MYOF: variants seen among roughly 807,000 people sequenced by gnomAD.
MYOF encodes myoferlin, also known as fer-1-like 3, myoferlin.
In MYOF, 244 loss-of-function variants were observed where a neutral mutation model predicts 284.2. The ratio of observed to expected loss-of-function variants is 0.86; its 90% CI spans 0.77 to 0.95. The LOEUF is 0.95. Among genes scored for constraint, MYOF ranks in the 40% least tolerant of loss-of-function variants. The pLI is 0.00. For synonymous variants in MYOF, 904 were observed against 919.7 expected (o/e 0.98, Z 0.31); for missense variants, 2,496 against 2,560.6 (o/e 0.97, Z 0.54).
In MYOF at chr10:93,353,862, A is replaced by G. The variant is rs1211397108; in HGVS notation, c.3430T>C (p.Tyr1144His). Reference protein sequence around the residue: ...DRVYIYHLRCYVYQARNLLAL... With the variant: ...DRVYIYHLRCHVYQARNLLAL... ...AAGAGGTTTCTGGCTTGATAGACATAGCAGCGCAGATGGTAGATGTAGACT... is the reference window on the plus strand; with the variant it reads ...AAGAGGTTTCTGGCTTGATAGACATGGCAGCGCAGATGGTAGATGTAGACT... The change falls in exon 32 of 54, where the codon TAT (tyrosine) becomes CAT (histidine). Residue 1144 changes from tyrosine (Y) to histidine (H), a missense_variant. Tyr to His is a moderately conservative substitution (Grantham distance 83). Around this residue, in one of 3 missense-constraint regions of MYOF, gnomAD observed 2,436 missense variants for 2,480.7 expected, o/e 0.98. Coordinates refer to ENST00000359263, the MANE Select transcript of MYOF (RefSeq NM_013451.4). 1.2e-6 allele frequency: 2 copies of G among 1,611,246 alleles called. No individual in the cohort carries two copies.
At chr10:93,350,462 G>A (rs1589428776) in intron 35 of MYOF, among the ~76,000 whole-genome samples, 2 of 152,212 alleles carry the variant, frequency 1.3e-5, no homozygotes, top group East Asian at 3.9e-4. Context: ...ACAGGTGTGT[G>A]CCACCATGCC....
At chr10:93,352,460 C>T (rs1013312036) in intron 32 of MYOF, among the ~76,000 whole-genome samples, 2 of 152,204 alleles carry the variant, frequency 1.3e-5, no homozygotes, top group African/African-American at 4.8e-5. Context: ...CGGAAAAGCT[C>T]AGATGCTCAT....
chr10:93,402,299 G>C lies in MYOF; in HGVS notation c.923C>G (p.Thr308Ser), dbSNP rs36072133. Residue 308 changes from threonine to serine, a missense_variant, in exon 11 of 54, where the codon ACC becomes AGC. Thr to Ser is a moderately conservative substitution (Grantham distance 58). Coordinates refer to ENST00000359263, the MANE Select transcript of MYOF (RefSeq NM_013451.4). Reference protein sequence around the residue: ...KWLLLNDPEDTSSGSKGYMKV... With the variant: ...KWLLLNDPEDSSSGSKGYMKV... ...CATATAACCTTTAGAACCTGAACTG[G>C]TATCTTCCGGGTCATTGAGAAGAAG... 9,217 of 1,614,076 alleles carry C rather than the reference G, an allele frequency of 5.7e-3. 368 individuals are homozygous for C. In the Admixed American group the frequency reaches 0.083, roughly 15 times the overall value.
chr10:93,329,551 G>A, intron 44 of MYOF, 113 bp downstream of exon 44: 1 of 1,074,866 alleles, frequency 9.3e-7, no homozygotes. Context: ...CCATACCTGA[G>A]TGATAGGAGC....
Position 93,420,305 on chromosome 10 carries a change from A to G in MYOF, c.433+5766T>C, listed in dbSNP as rs369135825. ...TTCCAGCTACGGGAATGTAGGCTCCAGTTAAGCAGACTGACATCTGGCGAA... is the reference window on the plus strand; with the variant it reads ...TTCCAGCTACGGGAATGTAGGCTCCGGTTAAGCAGACTGACATCTGGCGAA... On this transcript the variant is annotated intron_variant, in intron 5 of 53. Transcript: ENST00000359263. 9.8e-5 allele frequency among the ~76,000 whole-genome samples: 15 copies of G among 152,324 alleles called. No homozygotes were observed. In the East Asian group the frequency reaches 1.7e-3, roughly 18 times the overall value.
chr10:93,392,329 T>C (rs1287084560), intron 17 of MYOF, among the ~76,000 whole-genome samples: 1 of 152,182 alleles, frequency 6.6e-6, no homozygotes, highest in South Asian at 2.1e-4. Flanking sequence ...AATGAACCTC[T>C]CTAAACCTCA....
intron 28 of MYOF, among the ~76,000 whole-genome samples, chr10:93,360,780 A>AG (rs1332701406): frequency 3.3e-5 from 5 of 152,092 alleles, no homozygotes; most frequent in East Asian, 1.9e-4. Context: ...TTTCTGCGTC[A>AG]GGGGGGCCCT....
At chr10:93,452,333 G>A (rs988351772) in intron 2 of MYOF, among the ~76,000 whole-genome samples, 192 bp from the exon 3 acceptor site, 3 of 152,002 alleles carry the variant, frequency 2.0e-5, no homozygotes, top group South Asian at 2.1e-4. Context: ...ACCAGATGTC[G>A]ACTTAGAGGA....
At chr10:93,446,847 A>G (rs938367316) in intron 3 of MYOF, among the ~76,000 whole-genome samples, 2 of 150,964 alleles carry the variant, frequency 1.3e-5, no homozygotes, top group African/African-American at 4.9e-5. Context: ...TGGCCTCCTG[A>G]GCTGGGATTA....
intron 40 of MYOF, among the ~76,000 whole-genome samples, chr10:93,337,235 C>T (rs1300227056): frequency 6.7e-6 from 1 of 150,160 alleles, no homozygotes; most frequent in Non-Finnish European, 1.5e-5. Context: ...AAAACTTTAG[C>T]ACTGCTTCTG....
At position 93,340,034 on chromosome 10, in the gene MYOF, C is replaced by G. The variant is rs527958613; in HGVS notation, c.4338+119G>C. On this transcript the variant is annotated intron_variant, in intron 39 of 53. Coordinates refer to ENST00000359263, the MANE Select transcript of MYOF (RefSeq NM_013451.4). Reference sequence around the variant, plus strand: ...GGCGGAGCCTGCAGTGAGCCAAGATCGCGCCACTGCACTCCAGCCTGGGTG... The same window carrying G: ...GGCGGAGCCTGCAGTGAGCCAAGATGGCGCCACTGCACTCCAGCCTGGGTG... The G allele has an allele frequency of 3.8e-6, 4 of 1,062,978 alleles. No homozygotes were observed. In the East Asian group the frequency reaches 8.0e-5, roughly 21 times the overall value. 65.8% of individuals were successfully genotyped at this position (1,062,978 alleles called of 1,614,324 possible).
chr10:93,394,448 C>CTTTTTTTTTTTTTTTTTTTTTTT lies in MYOF; in HGVS notation c.1418-1516_1418-1494dup, dbSNP rs33970988. Among the ~76,000 whole-genome samples the CTTTTTTTTTTTTTTTTTTTTTTT allele has an allele frequency of 1.0e-3, 29 of 28,698 alleles. 10 individuals carry two copies. The highest frequency in any genetic ancestry group is 1.5e-3 in the Non-Finnish European group (23 of 15,346). 18.8% of individuals were successfully genotyped at this position (28,698 alleles called of 152,430 possible). ...ATATCTCCTTTGGTCACCATCTTGTCTTTTTTTTTTTTTTTTTTTTTTTTT... is the reference window on the plus strand; with the variant it reads ...ATATCTCCTTTGGTCACCATCTTGTCTTTTTTTTTTTTTTTTTTTTTTTTTTTTTTTTTTTTTTTTTTTTTTTT... On this transcript the variant is annotated intron_variant, in intron 16 of 53. Transcript: ENST00000359263.
chr10:93,313,004 C>G lies in MYOF; in HGVS notation c.5889+16G>C. The G allele has an allele frequency of 6.3e-7, 1 of 1,586,448 alleles. No homozygotes were observed. The highest frequency in any genetic ancestry group is 8.6e-7 in the Non-Finnish European group (1 of 1,166,288). On this transcript the variant is annotated intron_variant, in intron 51 of 53. Coordinates refer to ENST00000359263, the MANE Select transcript of MYOF (RefSeq NM_013451.4). ...GGCATAAACGATTTTCAACCAGAACCAGGAAATGTTCATACAGCCATTACG... is the reference window on the plus strand; with the variant it reads ...GGCATAAACGATTTTCAACCAGAACGAGGAAATGTTCATACAGCCATTACG...
At chr10:93,466,947 C>T (rs1235332131) in intron 1 of MYOF, among the ~76,000 whole-genome samples, 2 of 152,148 alleles carry the variant, frequency 1.3e-5, no homozygotes, top group Non-Finnish European at 2.9e-5. Flanking sequence ...CACTGCACTC[C>T]AGCCTGGGTG....
At chr10:93,363,775 C>A (rs1447554412) in intron 27 of MYOF, among the ~76,000 whole-genome samples, 186 bp downstream of exon 27, 1 of 152,222 alleles carries the variant, frequency 6.6e-6, no homozygotes, top group Non-Finnish European at 1.5e-5. Flanking sequence ...AAATAGGCCT[C>A]ATTTCTATTC....
chr10:93,348,559 C>CT (rs1469970728), intron 36 of MYOF, among the ~76,000 whole-genome samples: 3 of 151,978 alleles, frequency 2.0e-5, no homozygotes, highest in Non-Finnish European at 4.4e-5. Flanking sequence ...CAGACTAGAA[C>CT]TTGGAAGGTG....
chr10:93,342,082 C>G (rs1843947614), intron 38 of MYOF: 1 of 618,518 alleles, frequency 1.6e-6, no homozygotes, highest in Non-Finnish European at 2.5e-6. Flanking sequence ...TGTGATAGTG[C>G]TCAGCCCATT....
At position 93,327,512 on chromosome 10, in the gene MYOF, T is replaced by C. The variant is rs1843105509; in HGVS notation, c.5131+1251A>G. On this transcript the variant is annotated intron_variant, in intron 45 of 53. Transcript: ENST00000359263. Reference sequence around the variant, plus strand: ...CCGCAAAACTGTGAGGAAAACAAAATGGTTGTTTTCAGTTACTAAGTTTGG... The same window carrying C: ...CCGCAAAACTGTGAGGAAAACAAAACGGTTGTTTTCAGTTACTAAGTTTGG... 2.0e-5 allele frequency among the ~76,000 whole-genome samples: 3 copies of C among 152,036 alleles called. 1 individual carries two copies. The highest frequency in any genetic ancestry group is 7.3e-5 in the African/African-American group (3 of 41,310).
chr10:93,381,415 CAT>C lies in MYOF; in HGVS notation c.1699-21_1699-20del. ...GGTATTTCTATAAAGTATGAGCAGA[CAT>C]AAGGTTCAGTGAAAGGCCATTTGTT... On this transcript the variant is annotated intron_variant, in intron 19 of 53. Transcript: ENST00000359263. The C allele has an allele frequency of 6.2e-7, 1 of 1,612,622 alleles. No homozygotes were observed. The highest frequency in any genetic ancestry group is 2.2e-5 in the East Asian group (1 of 44,878).
Sources: allele counts gnomAD v4.1 joint callset (sites outside exome capture counted in the v4.1 genomes callset), GRCh38; gene constraint gnomAD v4.1.1; regional missense constraint gnomAD v4.1.1; transcripts MANE v1.5; gene names NCBI Gene and HGNC (gene_info 2026-07-23, HGNC 2026-07-21).